ZNF202: variants seen among roughly 807,000 people sequenced by gnomAD.
ZNF202 encodes zinc finger protein with KRAB and SCAN domains 10.
In ZNF202, 22 loss-of-function variants were observed where a neutral mutation model predicts 54.5. The ratio of observed to expected loss-of-function variants is 0.40; its 90% CI spans 0.29 to 0.58. The LOEUF (loss-of-function observed/expected upper bound fraction) is 0.58. ZNF202 is among the 20% of genes least tolerant of loss of function. The pLI is 0.39. For missense variants in ZNF202, 644 were observed against 805.5 expected (o/e 0.80, Z 2.43); for synonymous variants, 294 against 301.4 (o/e 0.98, Z 0.26).
At position 123,726,353 on chromosome 11, in the gene ZNF202, G is replaced by A. The variant is rs1861136976; in HGVS notation, c.1591C>T (p.His531Tyr). The change falls in exon 9 of 9, where the codon CAC becomes TAC. Residue 531 changes from histidine (H) to tyrosine (Y), a missense_variant. By Grantham distance (83) the His-to-Tyr change is moderately conservative (BLOSUM62 2). This residue lies in a region of ZNF202 where 536 missense variants were observed against 635.3 expected (regional missense o/e 0.84). Transcript: ENST00000530393. This position sits in a 1 kb window ranked among gnomAD's most constrained non-coding sequence, Gnocchi z 6.0. ...KSVLTTHQRI[H>Y]LGGKPYLCGE... The stretch of plus-strand genomic sequence containing the variant: ...CACAAGTAGGGTTTGCCTCCCAGGT[G>A]GATTCTTTGGTGTGTTGTTAACACA... 1.2e-6 allele frequency: 2 copies of A among 1,614,208 alleles called. No individual in the cohort carries two copies. The highest frequency in any genetic ancestry group is 1.7e-6 in the Non-Finnish European group (2 of 1,180,048).
chr11:123,739,789 C>G (rs1861786537), intron 3 of ZNF202, among the ~76,000 whole-genome samples: 1 of 152,206 alleles, frequency 6.6e-6, no homozygotes. Context: ...TAGTTGTTCT[C>G]AAAGTGAAGA....
At position 123,725,825 on chromosome 11, in the gene ZNF202, TGA is replaced by T; in HGVS notation, c.*170_*171del. ...ATCCCCTCAAGGCGTAGAGGAAGGC[TGA>T]GAGGTTCTGCCCAGGCTCGTGTTTA... On this transcript the variant is annotated 3_prime_UTR_variant, in exon 9 of 9. Coordinates refer to ENST00000530393, the MANE Select transcript of ZNF202 (RefSeq NM_003455.4). The T allele has an allele frequency of 2.7e-6, 2 of 734,278 alleles. No homozygotes were observed. Among genetic ancestry groups the T allele is most frequent in the Non-Finnish European group, 4.3e-6 (2 of 465,634 alleles). 45.5% of individuals were successfully genotyped at this position (734,278 alleles called of 1,614,324 possible).
rs548847970 is a variant in ZNF202, at chr11:123,726,230, G to A, written c.1714C>T (p.Arg572Cys). The change falls in exon 9 of 9, where the codon CGC (arginine) becomes TGC (cysteine). Residue 572 changes from arginine to cysteine, a missense_variant. Arg to Cys is a radical substitution (Grantham distance 180, BLOSUM62 -3). Around this residue, in one of 3 missense-constraint regions of ZNF202, gnomAD observed 536 missense variants for 635.3 expected, o/e 0.84. Coordinates refer to ENST00000530393, the MANE Select transcript of ZNF202 (RefSeq NM_003455.4). This position sits in a 1 kb window ranked among gnomAD's most constrained non-coding sequence, Gnocchi z 6.0. ...EELYLCSECG[R>C]CFTHSAAFAK... ...AACGCTGCGCTGTGGGTGAAGCAGC[G>A]CCCGCACTCGCTGCAGAGGTAGAGT... The A allele has an allele frequency of 4.8e-5, 77 of 1,614,044 alleles. No homozygotes were observed. Among genetic ancestry groups the A allele is most frequent in the Admixed American group, 1.0e-4 (6 of 60,012 alleles).
At chr11:123,733,624 C>A (rs1861507482) in intron 3 of ZNF202, among the ~76,000 whole-genome samples, 1 of 152,152 alleles carries the variant, frequency 6.6e-6, no homozygotes, top group Non-Finnish European at 1.5e-5. Context: ...GTAGTACAAT[C>A]ATAGCTCACT....
intron 3 of ZNF202, among the ~76,000 whole-genome samples, chr11:123,734,844 T>C (rs1479699304): frequency 6.6e-6 from 1 of 152,212 alleles, no homozygotes; most frequent in Non-Finnish European, 1.5e-5. Context: ...TCTAGCAAAC[T>C]GTGTGCTGGA....
At position 123,724,509 on chromosome 11, in the gene ZNF202, G is replaced by A. The variant is rs1340912544; in HGVS notation, c.*1488C>T. On this transcript the variant is annotated 3_prime_UTR_variant, in exon 9 of 9. Transcript: ENST00000530393. ...TCTTATTAACCCTCCCCTATTCCTC[G>A]GGCCCATAATGCATTATGAGATAGA... 3 of 152,066 alleles carry A rather than the reference G, an allele frequency of 2.0e-5. No homozygotes were observed. Among genetic ancestry groups the A allele is most frequent in the African/African-American group, 4.8e-5 (2 of 41,372 alleles). 9.4% of individuals were successfully genotyped at this position (152,066 alleles called of 1,614,324 possible).
intron 3 of ZNF202, among the ~76,000 whole-genome samples, chr11:123,733,024 C>T (rs977739917): frequency 2.0e-5 from 3 of 152,142 alleles, no homozygotes; most frequent in Admixed American, 1.3e-4. Context: ...GTAACAGGCA[C>T]GGATACATTG....
Position 123,726,027 on chromosome 11 carries a change from A to C in ZNF202, c.1917T>G (p.His639Gln), listed in dbSNP as rs1263915387. 1 of 1,613,760 alleles carries C rather than the reference A, an allele frequency of 6.2e-7. No homozygotes were observed. Among genetic ancestry groups the C allele is most frequent in the East Asian group, 2.2e-5 (1 of 44,866 alleles). ...AGGTCTTTTCTGAGTGGGTCCTCTG[A>C]TGCCTAATTAAGTGATATCCTCTGC... is the stretch of plus-strand genomic sequence containing the variant. ...SFSRGYHLIRHQRTHSEKTS is the reference protein window; with the variant it reads ...SFSRGYHLIRQQRTHSEKTS Residue 639 changes from histidine (H) to glutamine (Q), a missense_variant, in exon 9 of 9, where the codon CAT becomes CAG. By Grantham distance (24) the His-to-Gln change is conservative. Transcript: ENST00000530393. This position sits in a 1 kb window ranked among gnomAD's most constrained non-coding sequence, Gnocchi z 6.0.
At chr11:123,731,749 C>T (rs1861416155) in intron 3 of ZNF202, among the ~76,000 whole-genome samples, 1 of 152,202 alleles carries the variant, frequency 6.6e-6, no homozygotes, top group Non-Finnish European at 1.5e-5. Context: ...AGCCTATGAG[C>T]ATTAAATGTA....
rs1429332872 is a variant in ZNF202, at chr11:123,725,315, CTA to C, written c.*680_*681del. Reference sequence around the variant, plus strand: ...GAGGCTTCTGACTAGGCCCTCCTTTCTAGCAGTGTTTGGCACCTGATAACAAT... The same window carrying C: ...GAGGCTTCTGACTAGGCCCTCCTTTCGCAGTGTTTGGCACCTGATAACAAT... On this transcript the variant is annotated 3_prime_UTR_variant, in exon 9 of 9. Transcript: ENST00000530393. The C allele has an allele frequency of 6.6e-6, 1 of 152,184 alleles. No homozygotes were observed. The highest frequency in any genetic ancestry group is 1.5e-5 in the Non-Finnish European group (1 of 68,046). The allele number at this position is 152,184 out of a possible 1,614,324, so 9.4% of individuals were successfully genotyped here.
At position 123,728,231 on chromosome 11, in the gene ZNF202, C is replaced by G; in HGVS notation, c.734G>C (p.Cys245Ser). 1 of 1,612,696 alleles carries G rather than the reference C, an allele frequency of 6.2e-7. No homozygotes were observed. The highest frequency in any genetic ancestry group is 1.1e-5 in the South Asian group (1 of 91,008). ...GLVTFKDVAV[C>S]FSQDQWSDLD... is the part of the protein sequence containing the mutation. ...ATCACTCCACTGGTCCTGGGAAAAG[C>G]ATACGGCCACATCCTTGAACGTTAC... Residue 245 changes from cysteine to serine, a missense_variant, in exon 7 of 9, where the codon TGC (cysteine) becomes TCC (serine). By Grantham distance (112) the Cys-to-Ser change is moderately radical. Around this residue, in one of 3 missense-constraint regions of ZNF202, gnomAD observed 536 missense variants for 635.3 expected, o/e 0.84. Coordinates refer to ENST00000530393, the MANE Select transcript of ZNF202 (RefSeq NM_003455.4).
chr11:123,737,397 C>G (rs1038502452), intron 3 of ZNF202, among the ~76,000 whole-genome samples: 2 of 152,248 alleles, frequency 1.3e-5, no homozygotes, highest in Non-Finnish European at 2.9e-5. Flanking sequence ...GTTTCCCCCC[C>G]GCCCCTTCAT....
chr11:123,734,387 A>G (rs537588224), intron 3 of ZNF202, among the ~76,000 whole-genome samples: 1 of 152,252 alleles, frequency 6.6e-6, no homozygotes, highest in African/African-American at 2.4e-5. Context: ...TCCTTCCATG[A>G]CTGCCACTCC....
chr11:123,729,588 TC>T, intron 5 of ZNF202, 26 bp downstream of exon 5: 2 of 1,511,576 alleles, frequency 1.3e-6, no homozygotes, highest in Non-Finnish European at 8.8e-7. Flanking sequence ...TCTGCCACAA[TC>T]CCCCCTTTCT....
intron 3 of ZNF202, among the ~76,000 whole-genome samples, chr11:123,733,235 ACAGT>A (rs1469219641): frequency 2.0e-5 from 3 of 151,336 alleles, no homozygotes; most frequent in Non-Finnish European, 4.4e-5. Context: ...AAATGAGTTT[ACAGT>A]CAATGATCAC....
In ZNF202 at chr11:123,726,502, T is replaced by C. The variant is rs928887458; in HGVS notation, c.1442A>G (p.Tyr481Cys). Residue 481 changes from tyrosine (Y) to cysteine (C), a missense_variant, in exon 9 of 9, where the codon TAT becomes TGT. By Grantham distance (194) the Tyr-to-Cys change is radical (BLOSUM62 -2). This residue lies in a region of ZNF202 where 536 missense variants were observed against 635.3 expected (regional missense o/e 0.84). Coordinates refer to ENST00000530393, the MANE Select transcript of ZNF202 (RefSeq NM_003455.4). The surrounding 1 kb of genome is among the most constrained non-coding windows in gnomAD (Gnocchi z 6.0). ...AERTPSVEKP[Y>C]RCDDCGKHFR... is the part of the protein sequence containing the mutation. ...GTGCTTTCCGCAATCATCACATCTA[T>C]AGGGTTTCTCCACTGATGGAGTTCT... 3.6e-5 allele frequency: 58 copies of C among 1,614,110 alleles called. No individual in the cohort carries two copies. The highest frequency in any genetic ancestry group is 4.6e-5 in the Non-Finnish European group (54 of 1,180,034).
chr11:123,729,010 T>G, intron 6 of ZNF202, 116 bp downstream of exon 6: 11 of 995,418 alleles, frequency 1.1e-5, no homozygotes, highest in Non-Finnish European at 1.7e-5. Flanking sequence ...TGCAGAACTG[T>G]GAGCTTAAAA....
chr11:123,737,691 T>TAAAAG (rs1555129100), intron 3 of ZNF202, among the ~76,000 whole-genome samples: 2 of 15,942 alleles, frequency 1.3e-4, no homozygotes, highest in African/African-American at 4.9e-4. Context: ...TATTCTAAAC[T>TAAAAG]GTTTTTGATG....
chr11:123,727,640 T>C, intron 7 of ZNF202, 45 bp from the exon 8 acceptor site: 1 of 1,610,852 alleles, frequency 6.2e-7, no homozygotes, highest in Non-Finnish European at 8.5e-7. Context: ...GGCTCAACAA[T>C]TCCCTGTGTT....
Sources: gnomAD v4.1 joint callset for allele counts (sites outside exome capture counted in the v4.1 genomes callset) on GRCh38, gnomAD v4.1.1 for gene constraint, gnomAD v4.1.1 regional missense constraint, Gnocchi (gnomAD v3.1) non-coding constraint, MANE v1.5 for transcripts, NCBI Gene and HGNC (gene_info 2026-07-23, HGNC 2026-07-21) for gene names.